The following AGBL1 variants were observed in gnomAD, a reference collection of about 807,000 sequenced individuals.
AGBL1 encodes cytosolic carboxypeptidase 4.
A neutral mutation model predicts 118.9 loss-of-function variants in AGBL1; 130 were observed. That is an observed-to-expected ratio of 1.09 (90% CI 0.95 to 1.26). The LOEUF (loss-of-function observed/expected upper bound fraction) is 1.26, where lower values mean the gene tolerates loss of function less well. Among genes scored for constraint, AGBL1 ranks in the 50% most tolerant of loss-of-function variants. The probability of loss-of-function intolerance (pLI) is 0.00; values close to 1 mark genes in which losing one functional copy is unlikely to be tolerated. For missense variants in AGBL1, 1,584 were observed against 1,298.1 expected, an observed-to-expected ratio of 1.22 and a Z score of -3.38; for synonymous variants, 555 against 478.9, an observed-to-expected ratio of 1.16 and a Z score of -2.08.
At chr15:86,347,916 C>G (rs775717591) in intron 17 of AGBL1, among the ~76,000 whole-genome samples, 5 of 152,196 alleles carry the variant, frequency 3.3e-5, no homozygotes, top group Non-Finnish European at 5.9e-5. Flanking sequence ...TTCCTCAAGA[C>G]TTCATAATTC....
chr15:86,680,280 A>G (rs890200092), intron 22 of AGBL1, among the ~76,000 whole-genome samples: 1 of 152,092 alleles, frequency 6.6e-6, no homozygotes, highest in Non-Finnish European at 1.5e-5. Context: ...ATGTTGATTC[A>G]TCTTACATTT....
intron 21 of AGBL1, among the ~76,000 whole-genome samples, chr15:86,656,346 A>T (rs2085461269): frequency 6.6e-6 from 1 of 152,184 alleles, no homozygotes; most frequent in South Asian, 2.1e-4. Context: ...CGCTGACAAA[A>T]TTAGTGGTGC....
intron 7 of AGBL1, among the ~76,000 whole-genome samples, chr15:86,256,040 A>AC (rs2078890057): frequency 6.6e-6 from 1 of 152,026 alleles, no homozygotes; most frequent in Non-Finnish European, 1.5e-5. Context: ...AAACTGGGGG[A>AC]CCCCACAAGT....
intron 21 of AGBL1, among the ~76,000 whole-genome samples, chr15:86,647,336 A>G (rs1802971638): frequency 6.6e-6 from 1 of 152,204 alleles, no homozygotes; most frequent in Non-Finnish European, 1.5e-5. Context: ...TATGCTAGCT[A>G]TTGTTTTAAA....
chr15:86,639,934 T>C (rs2085163829), intron 21 of AGBL1, among the ~76,000 whole-genome samples: 1 of 152,190 alleles, frequency 6.6e-6, no homozygotes, highest in African/African-American at 2.4e-5. Flanking sequence ...TTTCTTGTAT[T>C]TCCCAACAGC....
intron 17 of AGBL1, among the ~76,000 whole-genome samples, chr15:86,372,596 G>A (rs902980884): frequency 2.6e-5 from 4 of 152,160 alleles, no homozygotes; most frequent in African/African-American, 9.7e-5. Flanking sequence ...GCAAATATAT[G>A]CTTATATAGT....
intron 18 of AGBL1, among the ~76,000 whole-genome samples, chr15:86,445,674 G>A (rs1158715698): frequency 6.6e-6 from 1 of 152,148 alleles, no homozygotes; most frequent in Non-Finnish European, 1.5e-5. Context: ...GCACAATTCT[G>A]TGGATGATTT....
At chr15:86,672,576 T>C (rs1176162687) in intron 21 of AGBL1, among the ~76,000 whole-genome samples, 1 of 152,160 alleles carries the variant, frequency 6.6e-6, no homozygotes, top group Non-Finnish European at 1.5e-5. Flanking sequence ...GTGAGGTGGC[T>C]GACTGAGCAG....
intron 18 of AGBL1, among the ~76,000 whole-genome samples, chr15:86,474,386 G>A (rs546440293): frequency 6.1e-4 from 93 of 152,280 alleles, no homozygotes; most frequent in African/African-American, 2.0e-3. Flanking sequence ...CTAATACTGC[G>A]CTTTTCCAAT....
downstream of AGBL1, among the ~76,000 whole-genome samples, chr15:87,030,872 C>A (rs1450185387): frequency 6.6e-6 from 1 of 151,912 alleles, no homozygotes. Flanking sequence ...CAGCCTCTCA[C>A]CCAGTCCATA....
chr15:86,170,708 TG>T (rs2077401822), intron 5 of AGBL1, among the ~76,000 whole-genome samples: 1 of 151,954 alleles, frequency 6.6e-6, no homozygotes, highest in African/African-American at 2.4e-5. Flanking sequence ...TAGCTGGGCA[TG>T]GTGGCTCATG....
intron 23 of AGBL1, among the ~76,000 whole-genome samples, chr15:86,941,075 A>G (rs544687808): frequency 7.9e-4 from 120 of 152,210 alleles, no homozygotes; most frequent in African/African-American, 2.8e-3. Context: ...GATAAACCAT[A>G]CTCTTTGGTC....
chr15:86,122,635 G>A (rs1898155546), intron 1 of AGBL1, among the ~76,000 whole-genome samples: 1 of 152,050 alleles, frequency 6.6e-6, no homozygotes, highest in Non-Finnish European at 1.5e-5. Flanking sequence ...AACCCAACTG[G>A]GGGCCATTCT....
intron 1 of AGBL1, among the ~76,000 whole-genome samples, chr15:86,106,002 C>T (rs1897031105): frequency 6.6e-6 from 1 of 152,184 alleles, no homozygotes; most frequent in African/African-American, 2.4e-5. Flanking sequence ...TCACTTTTGT[C>T]TTTGCTTCTA....
At chr15:87,029,506 C>A (rs80122931), downstream of AGBL1, among the ~76,000 whole-genome samples, 5 of 151,250 alleles carry the variant, frequency 3.3e-5, no homozygotes, top group Non-Finnish European at 7.4e-5. Flanking sequence ...ATAACAACAA[C>A]GACAGCAACA....
At chr15:86,834,907 C>A (rs746544351) in intron 22 of AGBL1, among the ~76,000 whole-genome samples, 1 of 152,008 alleles carries the variant, frequency 6.6e-6, no homozygotes, top group Non-Finnish European at 1.5e-5. Flanking sequence ...AGGATAAATT[C>A]TTCTTCTTTC....
At chr15:86,161,881 A>G (rs1372694625) in intron 5 of AGBL1, among the ~76,000 whole-genome samples, 1 of 152,204 alleles carries the variant, frequency 6.6e-6, no homozygotes, top group African/African-American at 2.4e-5. Context: ...AAACTTTGAC[A>G]TTTCTTAAAG....
At chr15:86,284,204 A>AC (rs1309885570) in intron 16 of AGBL1, among the ~76,000 whole-genome samples, 6 of 146,200 alleles carry the variant, frequency 4.1e-5, no homozygotes, top group African/African-American at 1.5e-4. Flanking sequence ...AAAAAAAAAA[A>AC]CAAATGGAAG....
intron 22 of AGBL1, among the ~76,000 whole-genome samples, chr15:86,773,573 A>T (rs988964926): frequency 7.2e-6 from 1 of 139,844 alleles, no homozygotes; most frequent in African/African-American, 2.7e-5. Context: ...TCATTGTTCA[A>T]TTCCCACCTA....
Sources: allele counts gnomAD v4.1 joint callset (sites outside exome capture counted in the v4.1 genomes callset), GRCh38; gene constraint gnomAD v4.1.1; transcripts MANE v1.5; gene names NCBI Gene and HGNC (gene_info 2026-07-23, HGNC 2026-07-21).